CDKAL1: variants seen among roughly 807,000 people sequenced by gnomAD.
The protein encoded by CDKAL1 is CDKAL1 threonylcarbamoyladenosine tRNA methylthiotransferase.
A neutral mutation model predicts 68.2 loss-of-function variants in CDKAL1; 32 were observed. The observed-to-expected ratio is 0.47, with a 90% confidence interval of 0.35 to 0.63. The LOEUF is 0.63. Ranked by LOEUF, CDKAL1 falls within the 30% of genes least tolerant of loss-of-function variation. The pLI, the probability that CDKAL1 is intolerant of heterozygous loss-of-function variation, is 0.00. For missense variants in CDKAL1, 606 were observed against 696.7 expected, an observed-to-expected ratio of 0.87 and a Z score of 1.47; for synonymous variants, 234 against 244.3, an observed-to-expected ratio of 0.96 and a Z score of 0.39.
chr6:20,607,256 A>G lies in CDKAL1; in HGVS notation c.287-42037A>G, dbSNP rs76355218. ...ACCTAGGTGTTGTGTTTTCCCCATT[A>G]TTCTGACTACAGTAATTTCTGTTGA... On this transcript the variant is annotated intron_variant, in intron 4 of 15. Coordinates refer to ENST00000274695, the MANE Select transcript of CDKAL1 (RefSeq NM_017774.3). 1.1e-3 allele frequency among the ~76,000 whole-genome samples: 175 copies of G among 152,376 alleles called. 4 individuals are homozygous for G. In the East Asian group the frequency reaches 0.03, roughly 26 times the overall value.
At chr6:20,576,193 C>T (rs555916891) in intron 4 of CDKAL1, among the ~76,000 whole-genome samples, 123 of 152,300 alleles carry the variant, frequency 8.1e-4, no homozygotes, top group Non-Finnish European at 1.2e-3. Context: ...TGAGTTATGT[C>T]ATACATGTAA....
chr6:21,065,152 C>T lies in CDKAL1; in HGVS notation c.1160C>T (p.Pro387Leu). 6.2e-7 allele frequency: 1 copy of T among 1,608,618 alleles called. No individual in the cohort carries two copies. The highest frequency in any genetic ancestry group is 8.5e-7 in the Non-Finnish European group (1 of 1,178,134). The part of the protein sequence containing the change: ...TVKLVEEYKF[P>L]SLFINQFYPR... ...AAACTTGTTGAAGAGTACAAATTCC[C>T]AAGCCTGTTTATTAACCAATTTTAC... Residue 387 changes from proline (P) to leucine (L), a missense_variant, in exon 12 of 16, where the codon CCA becomes CTA. Pro to Leu is a moderately conservative substitution (Grantham distance 98). Transcript: ENST00000274695.
At chr6:21,052,452 G>A (rs72834371) in intron 11 of CDKAL1, among the ~76,000 whole-genome samples, 3,643 of 151,928 alleles carry the variant, frequency 0.024, 51 homozygotes, top group Non-Finnish European at 0.032. Flanking sequence ...GGGCTCAAGT[G>A]GTTCTCCCAC....
At chr6:20,837,327 A>G (rs902905160) in intron 8 of CDKAL1, among the ~76,000 whole-genome samples, 4 of 151,958 alleles carry the variant, frequency 2.6e-5, no homozygotes, top group Admixed American at 2.6e-4. Context: ...GTTTTGACTC[A>G]TGTTAGAACA....
At chr6:21,096,462 A>G (rs1040445624) in intron 12 of CDKAL1, among the ~76,000 whole-genome samples, 1 of 152,214 alleles carries the variant, frequency 6.6e-6, no homozygotes, top group Non-Finnish European at 1.5e-5. Context: ...GCACATTACC[A>G]TCTCTCCATA....
chr6:21,185,424 A>G (rs1777970325), intron 13 of CDKAL1, among the ~76,000 whole-genome samples: 2 of 152,204 alleles, frequency 1.3e-5, no homozygotes, highest in African/African-American at 4.8e-5. Flanking sequence ...GTTAGTAATC[A>G]CCCTGGAAGA....
intron 10 of CDKAL1, among the ~76,000 whole-genome samples, chr6:20,988,909 C>T (rs1581974330): frequency 1.3e-5 from 2 of 151,492 alleles, no homozygotes; most frequent in South Asian, 2.1e-4. Context: ...CCATCTGCCT[C>T]GGCCTCCCAA....
chr6:21,018,771 G>A (rs974057873), intron 11 of CDKAL1, among the ~76,000 whole-genome samples: 6 of 151,996 alleles, frequency 3.9e-5, no homozygotes, highest in Non-Finnish European at 1.5e-5. Flanking sequence ...TTTTGTTGTA[G>A]TGTTTTTCTG....
chr6:20,716,169 G>A (rs1478694230), intron 5 of CDKAL1, among the ~76,000 whole-genome samples: 20 of 152,180 alleles, frequency 1.3e-4, no homozygotes, highest in Admixed American at 1.3e-3. Flanking sequence ...GCCTTGTGGG[G>A]ATTGGGGAGA....
chr6:20,540,636 A>G (rs894687464), intron 2 of CDKAL1, among the ~76,000 whole-genome samples: 1 of 151,776 alleles, frequency 6.6e-6, no homozygotes, highest in South Asian at 2.1e-4. Context: ...TTGTATTTTT[A>G]GTAGAGACGA....
At chr6:21,128,320 G>A (rs552560458) in intron 13 of CDKAL1, among the ~76,000 whole-genome samples, 29 of 152,290 alleles carry the variant, frequency 1.9e-4, no homozygotes, top group African/African-American at 7.0e-4. Flanking sequence ...ATGTTCAGTA[G>A]GTTAGTTATA....
intron 9 of CDKAL1, among the ~76,000 whole-genome samples, chr6:20,853,264 C>G (rs1759115440): frequency 6.6e-6 from 1 of 152,014 alleles, no homozygotes; most frequent in Admixed American, 6.6e-5. Flanking sequence ...CGCCTGTAAC[C>G]CCAGCTACTT....
chr6:21,093,199 ACCAGG>A (rs1316649952), intron 12 of CDKAL1, among the ~76,000 whole-genome samples: 1 of 152,190 alleles, frequency 6.6e-6, no homozygotes, highest in South Asian at 2.1e-4. Flanking sequence ...CATTCAAAGG[ACCAGG>A]ACTCAAATTT....
At chr6:20,875,030 T>C (rs997240369) in intron 9 of CDKAL1, among the ~76,000 whole-genome samples, 148 of 151,418 alleles carry the variant, frequency 9.8e-4, no homozygotes, top group African/African-American at 3.5e-3. Flanking sequence ...GCCGGCGCGG[T>C]GGCTCACGCC....
rs1397229182 is a variant in CDKAL1, at chr6:20,957,922, G to A, written c.909+2337G>A. On this transcript the variant is annotated intron_variant, in intron 10 of 15. Coordinates refer to ENST00000274695, the MANE Select transcript of CDKAL1 (RefSeq NM_017774.3). ...AGAGGCAGAGGTTACAGTGAGCCAA[G>A]ATTGTGCCACTGCACTCCAGCCTGG... Among the ~76,000 whole-genome samples the A allele has an allele frequency of 2.1e-5, 3 of 140,534 alleles. No homozygotes were observed. The East Asian group carries it at 6.6e-4, about 31-fold the overall frequency. 92.2% of individuals were successfully genotyped at this position (140,534 alleles called of 152,430 possible).
Position 20,990,092 on chromosome 6 carries a change from A to G in CDKAL1, c.910-10135A>G, listed in dbSNP as rs1290458921. Among the ~76,000 whole-genome samples, 6 of 152,080 alleles carry G rather than the reference A, an allele frequency of 3.9e-5. No homozygotes were observed. The East Asian group carries it at 9.6e-4, about 24-fold the overall frequency. On this transcript the variant is annotated intron_variant, in intron 10 of 15. Coordinates refer to ENST00000274695, the MANE Select transcript of CDKAL1 (RefSeq NM_017774.3). ...ACCCTGTCTCTACTAAAAATACACA[A>G]ATTAGCTGGGCGTGGTGGCACGTGC...
At chr6:20,909,915 A>G (rs1003443521) in intron 9 of CDKAL1, among the ~76,000 whole-genome samples, 10 of 152,164 alleles carry the variant, frequency 6.6e-5, no homozygotes, top group African/African-American at 2.2e-4. Context: ...CCACGGGAAA[A>G]CAGTCTTACT....
intron 5 of CDKAL1, among the ~76,000 whole-genome samples, chr6:20,732,722 C>T (rs1398133904): frequency 2.6e-5 from 4 of 152,084 alleles, no homozygotes; most frequent in Non-Finnish European, 4.4e-5. Context: ...ACTCATTGTG[C>T]GAGCACCACA....
At chr6:20,568,734 CAA>C (rs71538795) in intron 4 of CDKAL1, among the ~76,000 whole-genome samples, 3 of 31,108 alleles carry the variant, frequency 9.6e-5, no homozygotes, top group Admixed American at 3.2e-4. Flanking sequence ...GACTCCGCCT[CAA>C]AAAAAAAAAA....
Sources: gnomAD v4.1 joint callset for allele counts (sites outside exome capture counted in the v4.1 genomes callset) on GRCh38, gnomAD v4.1.1 for gene constraint, MANE v1.5 for transcripts, NCBI Gene and HGNC (gene_info 2026-07-23, HGNC 2026-07-21) for gene names.